The following CNOT4 variants were observed in gnomAD, a reference collection of about 807,000 sequenced individuals.
CNOT4 encodes CCR4-NOT transcription complex subunit 4, also known as CCR4-associated factor 4.
CNOT4 carries 8 observed loss-of-function variants against 73.8 expected under a neutral mutation model. That is an observed-to-expected ratio of 0.11 (90% CI 0.06 to 0.20). The LOEUF (loss-of-function observed/expected upper bound fraction) is 0.20. Ranked by LOEUF, CNOT4 falls within the 10% of genes least tolerant of loss-of-function variation. The probability of loss-of-function intolerance (pLI) is 1.00; values close to 1 mark genes in which losing one functional copy is unlikely to be tolerated. For synonymous variants in CNOT4, 293 were observed against 321.1 expected (o/e 0.91, Z 0.94); for missense variants, 564 against 883.4 (o/e 0.64, Z 4.58).
In CNOT4 at chr7:135,362,845, G is replaced by A. The variant is rs773514579; in HGVS notation, c.*40C>T. ...TGGGCTGAGAGGGAGAAAACAGAGT[G>A]GGACAAATCCTGCATTTTCTAATGG... On this transcript the variant is annotated 3_prime_UTR_variant, in exon 12 of 12. Coordinates refer to ENST00000541284, the MANE Select transcript of CNOT4 (RefSeq NM_001190850.2). 3.9e-6 allele frequency: 6 copies of A among 1,556,672 alleles called. No homozygotes were observed. In the East Asian group the frequency reaches 1.3e-4, roughly 35 times the overall value.
At chr7:135,451,814 G>A (rs116568689) in intron 1 of CNOT4, among the ~76,000 whole-genome samples, 3,042 of 152,220 alleles carry the variant, frequency 0.02, 107 homozygotes, top group African/African-American at 0.07. Flanking sequence ...TTTTTAAAAG[G>A]CAACTTTTTA....
chr7:135,420,132 C>A (rs193029191), intron 3 of CNOT4, among the ~76,000 whole-genome samples: 2 of 152,042 alleles, frequency 1.3e-5, no homozygotes, highest in Non-Finnish European at 2.9e-5. Context: ...TTAATTTCAT[C>A]CAAATTTTGG....
intron 1 of CNOT4, among the ~76,000 whole-genome samples, chr7:135,486,004 C>A (rs1392881922): frequency 6.6e-6 from 1 of 152,040 alleles, no homozygotes; most frequent in Non-Finnish European, 1.5e-5. Flanking sequence ...CAAGTTAAAA[C>A]CAGGGAGAAA....
chr7:135,481,122 G>A (rs1263498190), intron 1 of CNOT4, among the ~76,000 whole-genome samples: 2 of 151,892 alleles, frequency 1.3e-5, no homozygotes, highest in East Asian at 3.8e-4. Context: ...CTTTTGTACA[G>A]CAAAGGGAAT....
chr7:135,400,968 C>T (rs533072361), intron 7 of CNOT4, among the ~76,000 whole-genome samples: 9 of 152,250 alleles, frequency 5.9e-5, no homozygotes, highest in African/African-American at 1.9e-4. Flanking sequence ...ATTATAGTTA[C>T]ACCTGATATT....
chr7:135,411,858 T>C (rs779970417), intron 6 of CNOT4, among the ~76,000 whole-genome samples: 55 of 151,966 alleles, frequency 3.6e-4, no homozygotes, highest in African/African-American at 1.3e-3. Flanking sequence ...CTTGTTTCTA[T>C]TGGACCTATA....
chr7:135,501,850 T>A (rs924687271), intron 1 of CNOT4, among the ~76,000 whole-genome samples: 1 of 152,200 alleles, frequency 6.6e-6, no homozygotes, highest in Non-Finnish European at 1.5e-5. Context: ...TTCTTTACTG[T>A]GGTCTAAATG....
chr7:135,387,753 T>C, intron 10 of CNOT4: 3 of 978,828 alleles, frequency 3.1e-6, no homozygotes, highest in Non-Finnish European at 3.6e-6. Flanking sequence ...TTTCAAGAAA[T>C]GTGTTTTCAG....
chr7:135,487,445 T>C (rs2129487517), intron 1 of CNOT4, among the ~76,000 whole-genome samples: 2 of 152,024 alleles, frequency 1.3e-5, no homozygotes, highest in East Asian at 3.9e-4. Flanking sequence ...TCCGTATGTT[T>C]CCCAGGCTTG....
intron 7 of CNOT4, among the ~76,000 whole-genome samples, chr7:135,403,002 A>C (rs1322926899): frequency 6.6e-6 from 1 of 152,214 alleles, no homozygotes; most frequent in Non-Finnish European, 1.5e-5. Context: ...GACTAAAAAA[A>C]AGTTAGAAGG....
intron 1 of CNOT4, among the ~76,000 whole-genome samples, chr7:135,495,750 G>T (rs1803518695): frequency 9.4e-6 from 1 of 106,682 alleles, no homozygotes. Flanking sequence ...AAGAAAGAAA[G>T]AAAGAAAGAA....
intron 7 of CNOT4, among the ~76,000 whole-genome samples, chr7:135,409,855 T>G (rs993974025): frequency 6.6e-6 from 1 of 152,168 alleles, no homozygotes; most frequent in East Asian, 1.9e-4. Flanking sequence ...TATGATTTTC[T>G]GACAGGCCAT....
intron 10 of CNOT4, among the ~76,000 whole-genome samples, chr7:135,374,079 G>A (rs1229398528): frequency 6.6e-6 from 1 of 152,110 alleles, no homozygotes; most frequent in East Asian, 1.9e-4. Context: ...TTCTGAAATT[G>A]AACAAGTAGT....
intron 1 of CNOT4, among the ~76,000 whole-genome samples, chr7:135,492,630 G>A (rs1803189217): frequency 1.3e-5 from 2 of 152,098 alleles, no homozygotes; most frequent in Admixed American, 1.3e-4. Context: ...GTAATAACAA[G>A]GTATATGACA....
At chr7:135,454,333 GAGAATGTA>G (rs1800388492) in intron 1 of CNOT4, among the ~76,000 whole-genome samples, 1 of 151,888 alleles carries the variant, frequency 6.6e-6, no homozygotes, top group Non-Finnish European at 1.5e-5. Context: ...AAGTCTCACA[GAGAATGTA>G]TATGTCAGAA....
Position 135,409,901 on chromosome 7 carries a change from T to A in CNOT4, c.821+614A>T, listed in dbSNP as rs140980630. 2.9e-3 allele frequency among the ~76,000 whole-genome samples: 445 copies of A among 152,186 alleles called. 2 individuals carry two copies. The highest frequency in any genetic ancestry group is 9.8e-3 in the African/African-American group (406 of 41,544). On this transcript the variant is annotated intron_variant, in intron 7 of 11. Transcript: ENST00000541284. ...AATCTAAGATAAGAAGATCAACATA[T>A]CAGAATGAGACTCTCTACTGAAGAC...
At chr7:135,500,341 T>G (rs1193074975) in intron 1 of CNOT4, among the ~76,000 whole-genome samples, 1 of 152,136 alleles carries the variant, frequency 6.6e-6, no homozygotes, top group African/African-American at 2.4e-5. Flanking sequence ...ACAAGAAACC[T>G]ACTTTTTTCC....
rs113796569 is a variant in CNOT4 at position 135,504,008 on chromosome 7, T to A, written c.-93+5881A>T. 2.6e-5 allele frequency among the ~76,000 whole-genome samples: 4 copies of A among 152,256 alleles called. 1 individual carries two copies. The highest frequency in any genetic ancestry group is 9.6e-5 in the African/African-American group (4 of 41,552). ...ATGTTCAATAACACAAATCAGCCAA[T>A]GTTATTTTAGAAAATTCACAATCTG... On this transcript the variant is annotated intron_variant, in intron 1 of 11. Transcript: ENST00000541284.
intron 1 of CNOT4, among the ~76,000 whole-genome samples, chr7:135,489,079 A>G (rs2129487594): frequency 6.6e-6 from 1 of 152,248 alleles, no homozygotes; most frequent in East Asian, 1.9e-4. Context: ...CAGATCATTA[A>G]CAGAGTTAAA....
Sources: allele counts gnomAD v4.1 joint callset (sites outside exome capture counted in the v4.1 genomes callset), GRCh38; gene constraint gnomAD v4.1.1; transcripts MANE v1.5; gene names NCBI Gene and HGNC (gene_info 2026-07-23, HGNC 2026-07-21).